The following AP4E1 variants were observed in gnomAD, a reference collection of about 807,000 sequenced individuals.
The protein encoded by AP4E1 is AP-4 complex subunit epsilon-1.
A neutral mutation model predicts 128.2 loss-of-function variants in AP4E1; 56 were observed. The ratio of observed to expected loss-of-function variants is 0.44; its 90% CI spans 0.35 to 0.55. AP4E1 has a LOEUF of 0.55. Among genes scored for constraint, AP4E1 ranks in the 20% least tolerant of loss-of-function variants. AP4E1 has a pLI of 0.00. For missense variants in AP4E1, 1,324 were observed against 1,307.7 expected (o/e 1.01, Z -0.19); for synonymous variants, 484 against 473.1 (o/e 1.02, Z -0.30).
chr15:50,926,449 G>T (rs1157461611), intron 5 of AP4E1, among the ~76,000 whole-genome samples: 1 of 151,808 alleles, frequency 6.6e-6, no homozygotes, highest in East Asian at 1.9e-4. Flanking sequence ...AATTTTTAAA[G>T]TTGGAAAAGG....
intron 4 of AP4E1, among the ~76,000 whole-genome samples, chr15:50,924,351 A>G (rs2063743992): frequency 6.6e-6 from 1 of 152,166 alleles, no homozygotes; most frequent in Non-Finnish European, 1.5e-5. Context: ...TTCTAAAGGG[A>G]TATAGATATA....
chr15:50,992,469 A>G (rs545617140), intron 16 of AP4E1, among the ~76,000 whole-genome samples: 1 of 152,302 alleles, frequency 6.6e-6, no homozygotes, highest in South Asian at 2.1e-4. Context: ...CATAGCTCTT[A>G]TATGAGAATA....
chr15:50,976,370 A>C (rs1193796971), intron 15 of AP4E1, among the ~76,000 whole-genome samples: 2 of 152,216 alleles, frequency 1.3e-5, no homozygotes, highest in African/African-American at 4.8e-5. Context: ...TAAGAATAGA[A>C]GGCAATATCT....
chr15:50,929,924 A>T (rs1261019836), intron 6 of AP4E1, among the ~76,000 whole-genome samples: 1 of 152,102 alleles, frequency 6.6e-6, no homozygotes, highest in Non-Finnish European at 1.5e-5. Flanking sequence ...AAAGAATCTA[A>T]TGTTCCTTTT....
intron 15 of AP4E1, among the ~76,000 whole-genome samples, chr15:50,976,304 A>G (rs1487246425): frequency 6.6e-6 from 1 of 152,234 alleles, no homozygotes; most frequent in Non-Finnish European, 1.5e-5. Flanking sequence ...AAAAGCAGAA[A>G]AAGTGTTTGA....
intron 14 of AP4E1, among the ~76,000 whole-genome samples, chr15:50,962,321 A>G (rs986169559): frequency 2.0e-5 from 3 of 152,098 alleles, no homozygotes; most frequent in Non-Finnish European, 4.4e-5. Flanking sequence ...AGCAAAAAGA[A>G]CAAAGCTGGA....
At chr15:50,963,731 A>G (rs2064348653) in intron 14 of AP4E1, among the ~76,000 whole-genome samples, 1 of 152,260 alleles carries the variant, frequency 6.6e-6, no homozygotes, top group Non-Finnish European at 1.5e-5. Flanking sequence ...TTCCCAACAC[A>G]AATGATAAAT....
At position 50,934,691 on chromosome 15, in the gene AP4E1, A is replaced by G; in HGVS notation, c.937A>G (p.Thr313Ala). 1 of 1,597,716 alleles carries G rather than the reference A, an allele frequency of 6.3e-7. No individual in the cohort carries two copies. Among genetic ancestry groups the G allele is most frequent in the Non-Finnish European group, 8.6e-7 (1 of 1,165,598 alleles). Residue 313 changes from threonine to alanine, a missense_variant, in exon 8 of 21, where the codon ACA becomes GCA. Physicochemically the swap from Thr to Ala is moderately conservative, Grantham distance 58. Transcript: ENST00000261842. ...LRRAELNHNV[T>A]YAILFECVHT... ...AAGAGCTGAGTTAAATCACAATGTC[A>G]CATATGGTAGGTAATATATGTAAAT... is the stretch of plus-strand genomic sequence containing the variant.
At chr15:50,986,951 G>A (rs888780872) in intron 16 of AP4E1, among the ~76,000 whole-genome samples, 2 of 152,070 alleles carry the variant, frequency 1.3e-5, no homozygotes, top group Non-Finnish European at 2.9e-5. Flanking sequence ...ACTTTTTTTG[G>A]TTGGTAAGCT....
intron 8 of AP4E1, among the ~76,000 whole-genome samples, chr15:50,936,196 C>G (rs2063906155): frequency 6.6e-6 from 1 of 152,072 alleles, no homozygotes; most frequent in Non-Finnish European, 1.5e-5. Context: ...GTGGATGACC[C>G]TTATTGAAGC....
At chr15:50,939,367 G>A (rs1160774436) in intron 8 of AP4E1, among the ~76,000 whole-genome samples, 1 of 151,968 alleles carries the variant, frequency 6.6e-6, no homozygotes, top group Non-Finnish European at 1.5e-5. Context: ...CAGCTACTTG[G>A]GAGGCCAAGG....
chr15:50,995,980 C>CT lies in AP4E1; in HGVS notation c.2347-1320dup, dbSNP rs1199189475. ...CAGTAACAAGCAGTCTAATATACAT[C>CT]TTTTTTTTTTTTTTTTTTTTTTTTT... On this transcript the variant is annotated intron_variant, in intron 17 of 20. Coordinates refer to ENST00000261842, the MANE Select transcript of AP4E1 (RefSeq NM_007347.5). 7.1e-3 allele frequency among the ~76,000 whole-genome samples: 652 copies of CT among 91,816 alleles called. 40 individuals carry two copies. The highest frequency in any genetic ancestry group is 0.012 in the African/African-American group (244 of 19,780). 60.2% of individuals were successfully genotyped at this position (91,816 alleles called of 152,430 possible). A position where few individuals can be genotyped will look rare whatever the true frequency, so the allele number is the denominator to read the frequency against.
chr15:50,995,763 A>T (rs2064860430), intron 17 of AP4E1, among the ~76,000 whole-genome samples: 1 of 151,960 alleles, frequency 6.6e-6, no homozygotes, highest in South Asian at 2.1e-4. Context: ...TTTAACAAAG[A>T]TGTCACTACG....
intron 5 of AP4E1, 84 bp from the exon 6 acceptor site, chr15:50,928,925 T>C: frequency 7.4e-7 from 1 of 1,352,352 alleles, no homozygotes; most frequent in Non-Finnish European, 1.0e-6. Context: ...AGCCAGTATT[T>C]TGAAATCATC....
intron 13 of AP4E1, among the ~76,000 whole-genome samples, chr15:50,955,220 T>C (rs2064202335): frequency 6.6e-6 from 1 of 152,240 alleles, no homozygotes; most frequent in Non-Finnish European, 1.5e-5. Flanking sequence ...CTGGATCAAA[T>C]GGTATTTCTA....
chr15:50,979,277 C>T (rs1330631918), intron 15 of AP4E1, among the ~76,000 whole-genome samples: 1 of 152,116 alleles, frequency 6.6e-6, no homozygotes, highest in African/African-American at 2.4e-5. Flanking sequence ...ATTTAATTGT[C>T]ATTGTGATGG....
At position 50,916,361 on chromosome 15, in the gene AP4E1, A is replaced by G. The variant is rs191075858; in HGVS notation, c.346+790A>G. Among the ~76,000 whole-genome samples, 23 of 152,352 alleles carry G rather than the reference A, an allele frequency of 1.5e-4. No homozygotes were observed. The East Asian group carries it at 3.1e-3, about 20-fold the overall frequency. On this transcript the variant is annotated intron_variant, in intron 3 of 20. Coordinates refer to ENST00000261842, the MANE Select transcript of AP4E1 (RefSeq NM_007347.5). ...GTTCTTAGCTTCTCAAATGTTAGCT[A>G]TGAGGATTAGCAGTGTCTTAAAAAA... is the stretch of plus-strand genomic sequence containing the variant.
chr15:50,940,634 A>G (rs770514678), intron 8 of AP4E1, among the ~76,000 whole-genome samples: 3 of 152,206 alleles, frequency 2.0e-5, no homozygotes, highest in Non-Finnish European at 2.9e-5. Flanking sequence ...TTCTGATACT[A>G]TGATTCCATA....
At chr15:50,934,583 A>G (rs745650277) in intron 7 of AP4E1, 41 bp from the exon 8 acceptor site, 2 of 1,390,968 alleles carry the variant, frequency 1.4e-6, no homozygotes, top group East Asian at 2.3e-5. Context: ...ATTGGGTTAG[A>G]ATACTATAAT....
Sources: allele counts gnomAD v4.1 joint callset (sites outside exome capture counted in the v4.1 genomes callset), GRCh38; gene constraint gnomAD v4.1.1; transcripts MANE v1.5; gene names NCBI Gene and HGNC (gene_info 2026-07-23, HGNC 2026-07-21).